PFKFB3: variants seen among roughly 807,000 people sequenced by gnomAD.
The protein encoded by PFKFB3 is 6-phosphofructo-2-kinase/fructose-2,6-bisphosphatase 3.
A neutral mutation model predicts 68.0 loss-of-function variants in PFKFB3; 33 were observed. The observed-to-expected ratio is 0.49, with a 90% CI of 0.37 to 0.65. The LOEUF (loss-of-function observed/expected upper bound fraction) is 0.65, where lower values mean the gene tolerates loss of function less well. Ranked by LOEUF, PFKFB3 falls within the 30% of genes least tolerant of loss-of-function variation. The pLI, the probability that PFKFB3 is intolerant of heterozygous loss-of-function variation, is 0.00. For synonymous variants in PFKFB3, 315 were observed against 288.2 expected (o/e 1.09, Z -0.94); for missense variants, 586 against 712.2 (o/e 0.82, Z 2.02).
At chr10:6,184,016 G>A (rs887652698) in intron 1 of PFKFB3, among the ~76,000 whole-genome samples, 1 of 149,742 alleles carries the variant, frequency 6.7e-6, no homozygotes, top group Non-Finnish European at 1.5e-5. Context: ...TACATGACAG[G>A]CATGAGCATC....
chr10:6,219,050 G>A lies in PFKFB3; in HGVS notation c.499-519G>A, dbSNP rs146440898. The stretch of plus-strand genomic sequence containing the variant: ...GAGAGCGAGCCCTGCAAAGGAGCCG[G>A]CACAGCCCTAGTTGGAGAAGCAGTT... On this transcript the variant is annotated intron_variant, in intron 6 of 14. Transcript: ENST00000379775. 1.2e-4 allele frequency among the ~76,000 whole-genome samples: 18 copies of A among 152,362 alleles called. No homozygotes were observed. In the East Asian group the frequency reaches 3.5e-3, roughly 29 times the overall value.
intron 6 of PFKFB3, 24 bp downstream of exon 6, chr10:6,217,215 C>T (rs763425059): frequency 5.0e-4 from 804 of 1,606,838 alleles, no homozygotes; most frequent in Non-Finnish European, 6.4e-4. Context: ...GAGCCCCGTG[C>T]TTCTGCGGCA....
rs186521852 is a variant in PFKFB3 at position 6,154,334 on chromosome 10, C to T, written c.16+9321C>T. Among the ~76,000 whole-genome samples the T allele has an allele frequency of 3.3e-5, 5 of 152,084 alleles. No homozygotes were observed. The highest frequency in any genetic ancestry group is 3.3e-4 in the Admixed American group (5 of 15,282). On this transcript the variant is annotated intron_variant, in intron 1 of 14. Transcript: ENST00000379789. This position sits in a 1 kb window ranked among gnomAD's most constrained non-coding sequence, Gnocchi z 4.6. ...GTTCTCGGCTCACTGCAACCTCTGC[C>T]TCTCGAGTTCAAGCGATCCTCCTGC...
At chr10:6,146,170 T>A (rs1841383142) in intron 1 of PFKFB3, 1 of 1,344,646 alleles carries the variant, frequency 7.4e-7, no homozygotes, top group East Asian at 2.7e-5. Context: ...CCCCTGGCAC[T>A]GGGCCTGTGC....
At chr10:6,255,925 C>T (rs1846488800), downstream of PFKFB3, among the ~76,000 whole-genome samples, 1 of 152,208 alleles carries the variant, frequency 6.6e-6, no homozygotes, top group Non-Finnish European at 1.5e-5. Flanking sequence ...CCCTGACATT[C>T]ACCCGGTTCC....
chr10:6,187,995 C>G (rs1027422867), intron 1 of PFKFB3, among the ~76,000 whole-genome samples: 3 of 57,530 alleles, frequency 5.2e-5, no homozygotes, highest in Non-Finnish European at 1.8e-4. Context: ...ATCCATTTAC[C>G]TACCTACATA....
intron 14 of PFKFB3, among the ~76,000 whole-genome samples, chr10:6,244,830 G>A (rs1356080495): frequency 6.6e-6 from 1 of 152,058 alleles, no homozygotes. Context: ...TAATTGAGAG[G>A]GAGAGTTCCT....
At chr10:6,181,849 C>A (rs7091999) in intron 1 of PFKFB3, among the ~76,000 whole-genome samples, 51,715 of 148,766 alleles carry the variant, frequency 0.35, 9,935 homozygotes, top group East Asian at 0.62. Context: ...CACTCATATG[C>A]GATCTCTAGA....
Position 6,202,984 on chromosome 10 carries a change from G to C in PFKFB3, c.-277G>C, listed in dbSNP as rs1843433593. On this transcript the variant is annotated 5_prime_UTR_variant, in exon 1 of 15. Coordinates refer to ENST00000379775, the MANE Select transcript of PFKFB3 (RefSeq NM_004566.4). ...AGGGCCTGGTGGCGAGAGCGCGGCT[G>C]TCACTGCGCCCGAGCATCCCAGAGC... 7.6e-7 allele frequency: 1 copy of C among 1,309,716 alleles called. No homozygotes were observed. The allele number at this position is 1,309,716 out of a possible 1,614,324, so 81.1% of individuals were successfully genotyped here.
the PFKFB3 span, among the ~76,000 whole-genome samples, chr10:6,304,727 C>T: frequency 1.5e-3 from 225 of 147,588 alleles, no homozygotes; most frequent in African/African-American, 5.3e-3. Flanking sequence ...CACTATGTTG[C>T]CCAGGCTGGC....
Position 6,245,649 on chromosome 10 carries a change from C to G in PFKFB3, c.1516-8529C>G, listed in dbSNP as rs1028832629. On this transcript the variant is annotated intron_variant, in intron 14 of 14. Transcript: ENST00000640683. ...TGCTCCATGTTGTCCAGGCTGGTCT[C>G]AAACTCCTGGGGTCAAGTGATCCGC... 2.3e-4 allele frequency: 35 copies of G among 152,244 alleles called. 1 individual carries two copies. Among genetic ancestry groups the G allele is most frequent in the African/African-American group, 8.2e-4 (34 of 41,548 alleles). 9.4% of individuals were successfully genotyped at this position (152,244 alleles called of 1,614,324 possible). A position where few individuals can be genotyped will look rare whatever the true frequency, so the allele number is the denominator to read the frequency against.
chr10:6,232,754 G>A, intron 14 of PFKFB3, 141 bp from the exon 15 acceptor site: 1 of 706,146 alleles, frequency 1.4e-6, no homozygotes, highest in South Asian at 1.6e-5. Context: ...GAGGTTGGCA[G>A]CACCTTTCTT....
the PFKFB3 span, among the ~76,000 whole-genome samples, chr10:6,311,615 G>T: frequency 6.6e-6 from 1 of 152,102 alleles, no homozygotes; most frequent in Non-Finnish European, 1.5e-5. Context: ...CGAGTGTGGT[G>T]GCGGGCGCCT....
chr10:6,207,410 A>G (rs1843862784), intron 1 of PFKFB3, among the ~76,000 whole-genome samples: 1 of 152,224 alleles, frequency 6.6e-6, no homozygotes, highest in Admixed American at 6.5e-5. Flanking sequence ...TTGGCTCGGC[A>G]TCAGAGGGAG....
At chr10:6,291,631 T>G in the PFKFB3 span, among the ~76,000 whole-genome samples, 1 of 152,048 alleles carries the variant, frequency 6.6e-6, no homozygotes, top group African/African-American at 2.4e-5. Context: ...CTGGCAACTT[T>G]CAGAAGAAAG....
the PFKFB3 span, among the ~76,000 whole-genome samples, chr10:6,296,628 G>A: frequency 6.6e-6 from 1 of 152,166 alleles, no homozygotes; most frequent in Non-Finnish European, 1.5e-5. Flanking sequence ...GGAACAGAGG[G>A]TTCCTCCCCT....
intron 14 of PFKFB3, among the ~76,000 whole-genome samples, chr10:6,244,926 A>G (rs920434105): frequency 6.6e-6 from 1 of 152,200 alleles, no homozygotes; most frequent in Non-Finnish European, 1.5e-5. Context: ...TACACTCACC[A>G]TAAAATGAGA....
downstream of PFKFB3, among the ~76,000 whole-genome samples, chr10:6,238,127 C>T (rs548933629): frequency 1.3e-5 from 2 of 151,920 alleles, no homozygotes; most frequent in African/African-American, 4.8e-5. Context: ...ACCCCTGGCG[C>T]AGTCCCTGAG....
At chr10:6,182,255 A>T (rs1188268835) in intron 1 of PFKFB3, among the ~76,000 whole-genome samples, 1 of 151,184 alleles carries the variant, frequency 6.6e-6, no homozygotes, top group Non-Finnish European at 1.5e-5. Flanking sequence ...TCTCTTGCAT[A>T]TGCATCCCCC....
Sources: allele counts gnomAD v4.1 joint callset (sites outside exome capture counted in the v4.1 genomes callset), GRCh38; gene constraint gnomAD v4.1.1; non-coding constraint Gnocchi (gnomAD v3.1); transcripts MANE v1.5; gene names NCBI Gene and HGNC (gene_info 2026-07-23, HGNC 2026-07-21).